The following COL25A1 variants were observed in gnomAD, a reference collection of about 807,000 sequenced individuals.
COL25A1 encodes collagen type XXV alpha 1 chain, also known as collagen alpha-1(XXV) chain.
A neutral mutation model predicts 128.4 loss-of-function variants in COL25A1; 103 were observed. The observed-to-expected ratio is 0.80, with a 90% CI of 0.68 to 0.94. The LOEUF is 0.94. Among genes scored for constraint, COL25A1 ranks in the 40% least tolerant of loss-of-function variants. The pLI is 0.00. For synonymous variants in COL25A1, 279 were observed against 277.2 expected (o/e 1.01, Z -0.06); for missense variants, 745 against 840.0 (o/e 0.89, Z 1.40).
intron 13 of COL25A1, among the ~76,000 whole-genome samples, chr4:108,908,648 C>T (rs1466574648): frequency 6.6e-6 from 1 of 152,164 alleles, no homozygotes; most frequent in Non-Finnish European, 1.5e-5. Context: ...TTGCCCGCTG[C>T]CCAGACAGAG....
intron 3 of COL25A1, among the ~76,000 whole-genome samples, chr4:109,058,251 C>T (rs1487867449): frequency 6.6e-6 from 1 of 152,066 alleles, no homozygotes; most frequent in Non-Finnish European, 1.5e-5. Context: ...ACCCCAGGAT[C>T]CTACAGGGGA....
At chr4:109,196,603 T>C (rs1776067197) in intron 3 of COL25A1, among the ~76,000 whole-genome samples, 1 of 152,188 alleles carries the variant, frequency 6.6e-6, no homozygotes, top group African/African-American at 2.4e-5. Context: ...AAAGGTTTTA[T>C]TTTTCATTTG....
chr4:109,298,299 A>T (rs932269266), intron 3 of COL25A1, among the ~76,000 whole-genome samples: 4 of 152,170 alleles, frequency 2.6e-5, no homozygotes, highest in Admixed American at 1.3e-4. Context: ...CTTAGAGCCT[A>T]CCTGAATAAA....
intron 3 of COL25A1, among the ~76,000 whole-genome samples, chr4:109,297,862 C>CTTTTTTTTTTTTTTTTTT (rs35099153): frequency 1.6e-5 from 1 of 63,830 alleles, no homozygotes. Context: ...TTTTCCTTTT[C>CTTTTTTTTTTTTTTTTTT]TTTTTTTTTT....
intron 6 of COL25A1, among the ~76,000 whole-genome samples, chr4:108,986,859 A>G (rs940221282): frequency 1.3e-5 from 2 of 152,190 alleles, no homozygotes; most frequent in Non-Finnish European, 2.9e-5. Context: ...TCAGTTAGAG[A>G]TTCATATTTC....
At chr4:108,822,332 C>T (rs1390324627) in intron 35 of COL25A1, among the ~76,000 whole-genome samples, 3 of 152,220 alleles carry the variant, frequency 2.0e-5, no homozygotes, top group African/African-American at 7.2e-5. Flanking sequence ...GCGTGAGCCA[C>T]CACGCCCGGC....
intron 3 of COL25A1, among the ~76,000 whole-genome samples, chr4:109,289,749 T>C (rs546676469): frequency 6.6e-6 from 1 of 152,068 alleles, no homozygotes; most frequent in Non-Finnish European, 1.5e-5. Context: ...TTTAGGAACA[T>C]AGAACATCCT....
At chr4:109,000,024 G>A (rs1342433245) in intron 6 of COL25A1, among the ~76,000 whole-genome samples, 1 of 152,004 alleles carries the variant, frequency 6.6e-6, no homozygotes, top group East Asian at 1.9e-4. Context: ...TAAATGACAA[G>A]TTGATGAGTA....
At chr4:109,247,908 G>A (rs886865725) in intron 3 of COL25A1, among the ~76,000 whole-genome samples, 15 of 152,038 alleles carry the variant, frequency 9.9e-5, no homozygotes, top group Non-Finnish European at 1.6e-4. Flanking sequence ...GTCAAGAAGG[G>A]AGAGAGATAA....
intron 3 of COL25A1, among the ~76,000 whole-genome samples, chr4:109,054,127 T>C (rs1352271042): frequency 6.6e-6 from 1 of 152,242 alleles, no homozygotes; most frequent in Non-Finnish European, 1.5e-5. Context: ...ACTTTCTTTA[T>C]ATTTTCTTTT....
chr4:109,196,263 TAC>T (rs1776033614), intron 3 of COL25A1, among the ~76,000 whole-genome samples: 1 of 152,186 alleles, frequency 6.6e-6, no homozygotes, highest in Non-Finnish European at 1.5e-5. Flanking sequence ...AAGTAACATT[TAC>T]AGATTTGTGC....
At chr4:109,066,813 A>G (rs1281774031) in intron 3 of COL25A1, among the ~76,000 whole-genome samples, 1 of 151,982 alleles carries the variant, frequency 6.6e-6, no homozygotes, top group East Asian at 1.9e-4. Flanking sequence ...CAGGTGCATG[A>G]CACCACACCT....
intron 26 of COL25A1, among the ~76,000 whole-genome samples, chr4:108,852,020 T>C (rs369092507): frequency 2.6e-4 from 39 of 152,240 alleles, no homozygotes; most frequent in African/African-American, 9.4e-4. Context: ...CTAAATTAAA[T>C]TTCTCTCTCT....
chr4:109,249,881 T>G (rs961846048), intron 3 of COL25A1, among the ~76,000 whole-genome samples: 1 of 152,218 alleles, frequency 6.6e-6, no homozygotes, highest in Non-Finnish European at 1.5e-5. Context: ...TTATTATACT[T>G]TGCAAATTCA....
At chr4:109,285,580 G>C (rs1391817489) in intron 3 of COL25A1, among the ~76,000 whole-genome samples, 1 of 152,210 alleles carries the variant, frequency 6.6e-6, no homozygotes, top group Non-Finnish European at 1.5e-5. Flanking sequence ...CTAAAAAAGG[G>C]ATTATCAGTG....
intron 24 of COL25A1, among the ~76,000 whole-genome samples, chr4:108,853,395 C>CGTGT (rs10678976): frequency 2.6e-5 from 4 of 151,382 alleles, no homozygotes; most frequent in Non-Finnish European, 5.9e-5. Flanking sequence ...TGTGTGTGTG[C>CGTGT]GTGTGTGTGT....
chr4:108,842,124 C>T (rs1734525284), intron 30 of COL25A1, among the ~76,000 whole-genome samples: 1 of 152,090 alleles, frequency 6.6e-6, no homozygotes, highest in Non-Finnish European at 1.5e-5. Flanking sequence ...AAGCCCCAGA[C>T]TTTAAGTGCC....
At chr4:108,927,668 A>G (rs1746229947) in intron 11 of COL25A1, among the ~76,000 whole-genome samples, 1 of 152,172 alleles carries the variant, frequency 6.6e-6, no homozygotes, top group Non-Finnish European at 1.5e-5. Context: ...TGCAGTAATT[A>G]TTTTTTAAAA....
chr4:109,279,257 A>T (rs1723133228), intron 3 of COL25A1, among the ~76,000 whole-genome samples: 1 of 152,196 alleles, frequency 6.6e-6, no homozygotes, highest in South Asian at 2.1e-4. Flanking sequence ...TCAAGGACCC[A>T]GGAATGCAAC....
Sources: gnomAD v4.1 joint callset for allele counts (sites outside exome capture counted in the v4.1 genomes callset) on GRCh38, gnomAD v4.1.1 for gene constraint, MANE v1.5 for transcripts, NCBI Gene and HGNC (gene_info 2026-07-23, HGNC 2026-07-21) for gene names.